The following DGKB variants were observed in gnomAD, a reference collection of about 807,000 sequenced individuals.
DGKB encodes 90 kDa diacylglycerol kinase.
In DGKB, 67 loss-of-function variants were observed where a neutral mutation model predicts 114.3. The ratio of observed to expected loss-of-function variants is 0.59; its 90% confidence interval spans 0.48 to 0.72. The LOEUF (loss-of-function observed/expected upper bound fraction) is 0.72. DGKB is among the 30% of genes least tolerant of loss of function. The pLI is 0.00. For missense variants in DGKB, 907 were observed against 975.2 expected (o/e 0.93, Z 0.93); for synonymous variants, 398 against 323.1 (o/e 1.23, Z -2.49).
At chr7:14,151,492 T>A (rs995150669) in intron 25 of DGKB, among the ~76,000 whole-genome samples, 6 of 152,008 alleles carry the variant, frequency 3.9e-5, no homozygotes, top group African/African-American at 1.4e-4. Flanking sequence ...CATGATTTTA[T>A]GCCTTTGAAA....
chr7:14,214,398 C>G (rs534440364), intron 23 of DGKB, among the ~76,000 whole-genome samples: 1 of 151,416 alleles, frequency 6.6e-6, no homozygotes, highest in African/African-American at 2.4e-5. Context: ...TGTTTTTTAA[C>G]AAAGAAAAAT....
chr7:14,634,348 T>G (rs1196182652), intron 13 of DGKB, among the ~76,000 whole-genome samples: 4 of 151,478 alleles, frequency 2.6e-5, no homozygotes, highest in Non-Finnish European at 5.9e-5. Flanking sequence ...ATAACAGTAG[T>G]TGCAAGAGGA....
chr7:14,923,073 A>G (rs1784585945), intron 1 of DGKB, among the ~76,000 whole-genome samples: 1 of 152,138 alleles, frequency 6.6e-6, no homozygotes, highest in Admixed American at 6.5e-5. Context: ...ATCCAATTAT[A>G]AACAGGTATT....
intron 21 of DGKB, among the ~76,000 whole-genome samples, chr7:14,463,732 T>C (rs1833423619): frequency 1.3e-5 from 2 of 152,194 alleles, no homozygotes; most frequent in African/African-American, 4.8e-5. Context: ...CTAGAGCAAG[T>C]TATACTTCTG....
At chr7:14,647,262 A>C (rs993956410) in intron 13 of DGKB, among the ~76,000 whole-genome samples, 1 of 152,148 alleles carries the variant, frequency 6.6e-6, no homozygotes, top group Non-Finnish European at 1.5e-5. Flanking sequence ...TGAACCAAGA[A>C]GAAATAGAAA....
At chr7:14,342,101 A>G (rs1342494047) in intron 22 of DGKB, among the ~76,000 whole-genome samples, 1 of 151,812 alleles carries the variant, frequency 6.6e-6, no homozygotes, top group East Asian at 1.9e-4. Flanking sequence ...CAATAAGAAT[A>G]TTGTCTTTTG....
At chr7:14,460,375 A>T (rs760593293) in intron 21 of DGKB, among the ~76,000 whole-genome samples, 1 of 152,110 alleles carries the variant, frequency 6.6e-6, no homozygotes, top group Non-Finnish European at 1.5e-5. Context: ...AAAGACACAC[A>T]TAGGCTCAAA....
intron 23 of DGKB, among the ~76,000 whole-genome samples, chr7:14,297,306 T>C (rs959219688): frequency 1.2e-4 from 19 of 152,116 alleles, no homozygotes; most frequent in Non-Finnish European, 1.5e-5. Flanking sequence ...AAATTCTCAG[T>C]AAAATACTGG....
chr7:14,557,785 T>G (rs1025067644), intron 20 of DGKB, among the ~76,000 whole-genome samples: 2 of 151,908 alleles, frequency 1.3e-5, no homozygotes, highest in Non-Finnish European at 2.9e-5. Context: ...TTGGTGTTAC[T>G]TGGTTTATTT....
intron 21 of DGKB, among the ~76,000 whole-genome samples, chr7:14,431,101 C>A (rs569861451): frequency 1.3e-5 from 2 of 152,158 alleles, no homozygotes; most frequent in East Asian, 3.9e-4. Context: ...CATAAAAAGG[C>A]CTCTTCTCCC....
chr7:14,542,960 G>T (rs558833532), intron 20 of DGKB, among the ~76,000 whole-genome samples: 1 of 152,224 alleles, frequency 6.6e-6, no homozygotes, highest in Admixed American at 6.5e-5. Context: ...GGCCAATTAA[G>T]GATTTTGAGA....
intron 21 of DGKB, among the ~76,000 whole-genome samples, chr7:14,440,837 G>A (rs949132574): frequency 4.6e-5 from 7 of 152,002 alleles, no homozygotes; most frequent in Admixed American, 3.3e-4. Flanking sequence ...TATACAAATG[G>A]GCATTGTTTA....
At chr7:14,282,482 A>G (rs1800132436) in intron 23 of DGKB, among the ~76,000 whole-genome samples, 1 of 150,922 alleles carries the variant, frequency 6.6e-6, no homozygotes, top group East Asian at 1.9e-4. Flanking sequence ...AATCAATAGA[A>G]AAAGAGGGAA....
At chr7:14,657,982 T>C (rs1167613694) in intron 13 of DGKB, among the ~76,000 whole-genome samples, 1 of 151,954 alleles carries the variant, frequency 6.6e-6, no homozygotes, top group Non-Finnish European at 1.5e-5. Flanking sequence ...TGAGAAATAA[T>C]GACTTAGTTC....
At chr7:14,493,846 C>T (rs1468180795) in intron 20 of DGKB, among the ~76,000 whole-genome samples, 2 of 151,738 alleles carry the variant, frequency 1.3e-5, no homozygotes, top group African/African-American at 4.8e-5. Flanking sequence ...AAGCATTCTA[C>T]ATTTCTGGAC....
intron 21 of DGKB, among the ~76,000 whole-genome samples, chr7:14,445,841 T>A (rs1192364491): frequency 6.6e-6 from 1 of 152,006 alleles, no homozygotes; most frequent in Non-Finnish European, 1.5e-5. Context: ...TATCCTTCTT[T>A]AATAATTTTG....
chr7:14,941,761 G>C (rs1208230319), intron 1 of DGKB, among the ~76,000 whole-genome samples: 1 of 151,964 alleles, frequency 6.6e-6, no homozygotes, highest in Non-Finnish European at 1.5e-5. Context: ...CTAGATTTCA[G>C]GTTTGAATAT....
At chr7:14,754,228 C>T (rs1834534984) in intron 3 of DGKB, among the ~76,000 whole-genome samples, 2 of 151,958 alleles carry the variant, frequency 1.3e-5, no homozygotes, top group South Asian at 4.1e-4. Flanking sequence ...TTTTGACAAG[C>T]CCCCCGGTTG....
At chr7:14,856,228 C>T (rs995079542) in intron 1 of DGKB, among the ~76,000 whole-genome samples, 2 of 151,964 alleles carry the variant, frequency 1.3e-5, no homozygotes, top group Admixed American at 6.6e-5. Flanking sequence ...TTCTAAGAGT[C>T]GTAAAATTCC....
Sources: gnomAD v4.1 joint callset for allele counts (sites outside exome capture counted in the v4.1 genomes callset) on GRCh38, gnomAD v4.1.1 for gene constraint, MANE v1.5 for transcripts, NCBI Gene and HGNC (gene_info 2026-07-23, HGNC 2026-07-21) for gene names.